SEL1L3: variants seen among roughly 807,000 people sequenced by gnomAD.
SEL1L3 encodes the protein protein sel-1 homolog 3.
In SEL1L3, 76 loss-of-function variants were observed where a neutral mutation model predicts 142.8. That is an observed-to-expected ratio of 0.53 (90% CI 0.44 to 0.64). The LOEUF (loss-of-function observed/expected upper bound fraction) is 0.64. SEL1L3 is among the 30% of genes least tolerant of loss of function. SEL1L3 has a pLI of 0.00. For missense variants in SEL1L3, 1,262 were observed against 1,381.7 expected (o/e 0.91, Z 1.37); for synonymous variants, 504 against 519.6 (o/e 0.97, Z 0.41).
chr4:25,797,120 A>T (rs1712819634), intron 11 of SEL1L3, among the ~76,000 whole-genome samples: 1 of 150,380 alleles, frequency 6.6e-6, no homozygotes, highest in African/African-American at 2.4e-5. Flanking sequence ...AGAGAAAGAG[A>T]AGGAGGGAGA....
the SEL1L3 span, among the ~76,000 whole-genome samples, chr4:25,733,759 C>A: frequency 3.3e-5 from 5 of 152,074 alleles, no homozygotes; most frequent in East Asian, 9.7e-4. Context: ...GATTTCCCTC[C>A]CACCTCCGGC....
intron 1 of SEL1L3, among the ~76,000 whole-genome samples, chr4:25,854,421 G>A (rs1052037515): frequency 6.6e-6 from 1 of 152,182 alleles, no homozygotes; most frequent in African/African-American, 2.4e-5. Context: ...GGGACTACAG[G>A]CACGTGCCAC....
intron 9 of SEL1L3, among the ~76,000 whole-genome samples, chr4:25,806,041 G>GTTTTTTTTTTT (rs33956733): frequency 7.4e-6 from 1 of 134,820 alleles, no homozygotes; most frequent in Non-Finnish European, 1.6e-5. Context: ...TGTTTTGTTT[G>GTTTTTTTTTTT]TTTTTTTTTT....
intron 18 of SEL1L3, 29 bp downstream of exon 18, chr4:25,767,711 T>C (rs1318076765): frequency 6.7e-7 from 1 of 1,486,804 alleles, no homozygotes. Flanking sequence ...CCTCAGAGCT[T>C]CTACTCTGAG....
intron 1 of SEL1L3, among the ~76,000 whole-genome samples, chr4:25,857,432 C>T (rs1277446580): frequency 2.0e-5 from 3 of 152,222 alleles, no homozygotes; most frequent in Non-Finnish European, 4.4e-5. Flanking sequence ...GCTCTTATTT[C>T]ATTGAGTACC....
At chr4:25,780,864 C>T (rs974658107) in intron 15 of SEL1L3, among the ~76,000 whole-genome samples, 2 of 149,322 alleles carry the variant, frequency 1.3e-5, no homozygotes, top group East Asian at 1.9e-4. Context: ...CTTGCTCTGT[C>T]GCTCAGGCTG....
intron 9 of SEL1L3, among the ~76,000 whole-genome samples, chr4:25,810,520 A>G (rs1305967420): frequency 6.6e-6 from 1 of 152,236 alleles, no homozygotes; most frequent in Non-Finnish European, 1.5e-5. Flanking sequence ...CAACTCTTAA[A>G]TAATGAAAAA....
chr4:25,842,368 G>A (rs546156815), intron 2 of SEL1L3, among the ~76,000 whole-genome samples: 106 of 152,042 alleles, frequency 7.0e-4, no homozygotes, highest in Non-Finnish European at 1.4e-3. Flanking sequence ...AGTGGGGGGC[G>A]GTGTTGCTTC....
the SEL1L3 span, chr4:25,718,772 T>C: frequency 6.6e-6 from 1 of 152,196 alleles, no homozygotes. Flanking sequence ...ATATGAGCTT[T>C]GAGGAGTCTT....
intron 1 of SEL1L3, among the ~76,000 whole-genome samples, chr4:25,852,408 G>A (rs138975348): frequency 1.3e-5 from 2 of 152,332 alleles, no homozygotes; most frequent in African/African-American, 2.4e-5. Context: ...CACATGAATA[G>A]GGATATACCC....
At chr4:25,821,520 GC>G (rs1338790227) in intron 7 of SEL1L3, among the ~76,000 whole-genome samples, 1 of 152,210 alleles carries the variant, frequency 6.6e-6, no homozygotes, top group African/African-American at 2.4e-5. Context: ...TGAACACAAT[GC>G]CCTTTTCGAT....
At chr4:25,777,864 G>A in intron 16 of SEL1L3, 1 of 456,070 alleles carries the variant, frequency 2.2e-6, no homozygotes, top group Non-Finnish European at 4.4e-6. Context: ...TGTGAGGGTG[G>A]CCTAAAACAG....
chr4:25,837,991 G>T (rs1167107596), intron 2 of SEL1L3, among the ~76,000 whole-genome samples: 1 of 152,176 alleles, frequency 6.6e-6, no homozygotes, highest in Non-Finnish European at 1.5e-5. Flanking sequence ...ACTCATTAAA[G>T]CAGGGGCCTT....
In SEL1L3 at chr4:25,802,468, A is replaced by G; in HGVS notation, c.1777-6T>C. ...ACCAAACTATACAACATGCCCTGTT[A>G]GGAAGAAATTGACAAAGCGTTCATG... On this transcript the variant is annotated splice_polypyrimidine_tract_variant and splice_region_variant and intron_variant, in intron 10 of 23. Coordinates refer to ENST00000399878, the MANE Select transcript of SEL1L3 (RefSeq NM_015187.5). 6.2e-7 allele frequency: 1 copy of G among 1,608,174 alleles called. No homozygotes were observed. The highest frequency in any genetic ancestry group is 8.5e-7 in the Non-Finnish European group (1 of 1,176,542).
chr4:25,781,230 T>A (rs1182607309), intron 15 of SEL1L3, among the ~76,000 whole-genome samples: 1 of 152,150 alleles, frequency 6.6e-6, no homozygotes, highest in Non-Finnish European at 1.5e-5. Context: ...GTCTTTTCCA[T>A]CTGGTGGAAT....
At chr4:25,838,528 C>T (rs1715974584) in intron 2 of SEL1L3, among the ~76,000 whole-genome samples, 2 of 152,206 alleles carry the variant, frequency 1.3e-5, no homozygotes, top group African/African-American at 2.4e-5. Flanking sequence ...CACAAGTCCT[C>T]CCAGAGAGAA....
At chr4:25,765,859 G>C (rs953696415) in intron 19 of SEL1L3, among the ~76,000 whole-genome samples, 1 of 151,826 alleles carries the variant, frequency 6.6e-6, no homozygotes. Context: ...GGCTGCTCTC[G>C]AACTCCTGGA....
intron 23 of SEL1L3, among the ~76,000 whole-genome samples, chr4:25,753,590 C>G (rs907701549): frequency 6.6e-6 from 1 of 152,250 alleles, no homozygotes; most frequent in Non-Finnish European, 1.5e-5. Flanking sequence ...TGAGCAGCAT[C>G]GCCTTTGCAG....
chr4:25,842,761 G>A (rs192662188), intron 2 of SEL1L3, among the ~76,000 whole-genome samples: 4 of 152,290 alleles, frequency 2.6e-5, no homozygotes, highest in South Asian at 4.1e-4. Context: ...CCTATGATCA[G>A]CATCAGAACA....
Sources: allele counts gnomAD v4.1 joint callset (sites outside exome capture counted in the v4.1 genomes callset), GRCh38; gene constraint gnomAD v4.1.1; transcripts MANE v1.5; gene names NCBI Gene and HGNC (gene_info 2026-07-23, HGNC 2026-07-21).